BRIP1: variants seen among roughly 807,000 people sequenced by gnomAD.
BRIP1 encodes BRCA1 interacting DNA helicase 1, also known as Fanconi anemia group J protein.
In BRIP1, 88 loss-of-function variants were observed where a neutral mutation model predicts 119.7. That is an observed-to-expected ratio of 0.74 (90% CI 0.62 to 0.88). The LOEUF is 0.88. Among genes scored for constraint, BRIP1 ranks in the 40% least tolerant of loss-of-function variants. BRIP1 has a pLI of 0.00. For missense variants in BRIP1, 1,259 were observed against 1,455.4 expected, an observed-to-expected ratio of 0.87 and a Z score of 2.20; for synonymous variants, 443 against 496.5, an observed-to-expected ratio of 0.89 and a Z score of 1.43.
rs966480103 is a variant in BRIP1, at chr17:61,722,110, C to G, written c.2380-6047G>C. Among the ~76,000 whole-genome samples, 1 of 150,490 alleles carries G rather than the reference C, an allele frequency of 6.6e-6. No individual in the cohort carries two copies. The highest frequency in any genetic ancestry group is 2.5e-5 in the African/African-American group (1 of 40,734). The stretch of plus-strand genomic sequence containing the variant: ...AGGCTGGAGTACGGTGGCATGATCT[C>G]GGCTCACTGCAACTTCTGCCTCTTG... On this transcript the variant is annotated intron_variant, in intron 16 of 19. Coordinates refer to ENST00000259008, the MANE Select transcript of BRIP1 (RefSeq NM_032043.3). The surrounding 1 kb of genome is among the most constrained non-coding windows in gnomAD (Gnocchi z 4.6).
Position 61,849,263 on chromosome 17 carries a change from T to C in BRIP1, c.380-7A>G, listed in dbSNP as rs748143260. The C allele has an allele frequency of 6.2e-7, 1 of 1,606,810 alleles. No individual in the cohort carries two copies. The stretch of plus-strand genomic sequence containing the variant: ...GTGGTTTTTTCAGGGGAGTCTTATA[T>C]AAGTAATTTAAAAAAAACAGCATAA... On this transcript the variant is annotated splice_region_variant and splice_polypyrimidine_tract_variant and intron_variant, in intron 4 of 19. Coordinates refer to ENST00000259008, the MANE Select transcript of BRIP1 (RefSeq NM_032043.3).
At chr17:61,732,769 G>A (rs749553419) in intron 16 of BRIP1, among the ~76,000 whole-genome samples, 23 of 151,650 alleles carry the variant, frequency 1.5e-4, no homozygotes, top group Non-Finnish European at 2.8e-4. Context: ...TCAGCTCACT[G>A]CAACCTTTGC....
At position 61,689,786 on chromosome 17, in the gene BRIP1, G is replaced by GA. The variant is rs1266303828; in HGVS notation, c.2576-3622dup. On this transcript the variant is annotated intron_variant, in intron 18 of 19. Coordinates refer to ENST00000259008, the MANE Select transcript of BRIP1 (RefSeq NM_032043.3). This position sits in a 1 kb window ranked among gnomAD's most constrained non-coding sequence, Gnocchi z 4.5. ...AACACTTTGGGAGGCAGAGGTAGGAGAATTGCTTGAGCCGAGGAGTTTGAG... is the reference window on the plus strand; with the variant it reads ...AACACTTTGGGAGGCAGAGGTAGGAGAAATTGCTTGAGCCGAGGAGTTTGAG... Among the ~76,000 whole-genome samples the GA allele has an allele frequency of 6.6e-6, 1 of 152,196 alleles. No homozygotes were observed. The highest frequency in any genetic ancestry group is 1.5e-5 in the Non-Finnish European group (1 of 68,028).
chr17:61,854,213 G>T (rs2078862117), intron 4 of BRIP1, among the ~76,000 whole-genome samples: 1 of 152,078 alleles, frequency 6.6e-6, no homozygotes, highest in Non-Finnish European at 1.5e-5. Context: ...GGGTTGCAAT[G>T]AGCCAAGTGA....
At chr17:61,863,041 T>C (rs1178399775) in intron 1 of BRIP1, among the ~76,000 whole-genome samples, 1 of 152,048 alleles carries the variant, frequency 6.6e-6, no homozygotes, top group Non-Finnish European at 1.5e-5. Context: ...CCCCAAACAT[T>C]GCATAAAGGA....
rs1365120245 is a variant in BRIP1 at position 61,755,137 on chromosome 17, G to C, written c.2098-10546C>G. Among the ~76,000 whole-genome samples, 3 of 152,288 alleles carry C rather than the reference G, an allele frequency of 2.0e-5. No homozygotes were observed. On this transcript the variant is annotated intron_variant, in intron 14 of 19. Coordinates refer to ENST00000259008, the MANE Select transcript of BRIP1 (RefSeq NM_032043.3). This position sits in a 1 kb window ranked among gnomAD's most constrained non-coding sequence, Gnocchi z 4.5. Reference sequence around the variant, plus strand: ...AACAGTACCTTACATATAGAAAGTGGTCAGTAAATACTTTTTGAATGAATT... The same window carrying C: ...AACAGTACCTTACATATAGAAAGTGCTCAGTAAATACTTTTTGAATGAATT...
chr17:61,839,107 T>C (rs2046493720), intron 6 of BRIP1, among the ~76,000 whole-genome samples: 2 of 152,054 alleles, frequency 1.3e-5, no homozygotes, highest in Admixed American at 6.5e-5. Context: ...AAAATCCCAT[T>C]TTTTAAATAA....
chr17:61,847,010 T>C (rs1272189266), intron 6 of BRIP1, 91 bp downstream of exon 6: 8 of 1,514,054 alleles, frequency 5.3e-6, no homozygotes, highest in Non-Finnish European at 7.3e-6. Flanking sequence ...CTGTCCTTTG[T>C]ATTATACTAT....
In BRIP1 at chr17:61,753,151, ACT is replaced by A. The variant is rs1555594454; in HGVS notation, c.2098-8562_2098-8561del. ...ATACTCAGCCTCCTTGCCCTGTGAT[ACT>A]CTGAGCCACCCTGGGACTCAGCAGA... On this transcript the variant is annotated intron_variant, in intron 14 of 19. Coordinates refer to ENST00000259008, the MANE Select transcript of BRIP1 (RefSeq NM_032043.3). This position sits in a 1 kb window ranked among gnomAD's most constrained non-coding sequence, Gnocchi z 4.6. Among the ~76,000 whole-genome samples the A allele has an allele frequency of 6.6e-6, 1 of 152,110 alleles. No homozygotes were observed. Among genetic ancestry groups the A allele is most frequent in the Non-Finnish European group, 1.5e-5 (1 of 68,012 alleles).
In BRIP1 at chr17:61,693,848, T is replaced by A. The variant is rs570280451; in HGVS notation, c.2493-336A>T. On this transcript the variant is annotated intron_variant, in intron 17 of 19. Transcript: ENST00000259008. The surrounding 1 kb of genome is among the most constrained non-coding windows in gnomAD (Gnocchi z 4.2). Reference sequence around the variant, plus strand: ...TAAGTATTATAAATAATTGTAAAGGTCCTTTTTACTAGTTTGATGAGAGTT... The same window carrying A: ...TAAGTATTATAAATAATTGTAAAGGACCTTTTTACTAGTTTGATGAGAGTT... 6.6e-6 allele frequency among the ~76,000 whole-genome samples: 1 copy of A among 152,206 alleles called. No individual in the cohort carries two copies. The highest frequency in any genetic ancestry group is 2.1e-4 in the South Asian group (1 of 4,826).
At chr17:61,787,802 G>A (rs2077755668) in intron 10 of BRIP1, among the ~76,000 whole-genome samples, 1 of 151,890 alleles carries the variant, frequency 6.6e-6, no homozygotes, top group Non-Finnish European at 1.5e-5. Flanking sequence ...CCGCCACCAC[G>A]CCCGGCTAAT....
At position 61,825,464 on chromosome 17, in the gene BRIP1, T is replaced by C. The variant is rs1439928837; in HGVS notation, c.628-16707A>G. The stretch of plus-strand genomic sequence containing the variant: ...TCTTTGCAGATGACATGATCCTATA[T>C]CTAGAAAACTCCACAGTCTCAGCCC... On this transcript the variant is annotated intron_variant, in intron 6 of 19. Coordinates refer to ENST00000259008, the MANE Select transcript of BRIP1 (RefSeq NM_032043.3). This position sits in a 1 kb window ranked among gnomAD's most constrained non-coding sequence, Gnocchi z 4.1. Among the ~76,000 whole-genome samples, 1 of 151,776 alleles carries C rather than the reference T, an allele frequency of 6.6e-6. No individual in the cohort carries two copies. Among genetic ancestry groups the C allele is most frequent in the Non-Finnish European group, 1.5e-5 (1 of 67,952 alleles).
intron 6 of BRIP1, among the ~76,000 whole-genome samples, chr17:61,837,150 G>A (rs889223944): frequency 2.6e-5 from 4 of 152,338 alleles, no homozygotes; most frequent in Admixed American, 2.6e-4. Context: ...CAACTCACAT[G>A]AACCTGTATT....
chr17:61,754,000 A>G lies in BRIP1; in HGVS notation c.2098-9409T>C, dbSNP rs1354313773. Reference sequence around the variant, plus strand: ...ATCTAGACTCTAAACATTTCTCACTATCTTTACTGCTACCACAGTGGTCCA... The same window carrying G: ...ATCTAGACTCTAAACATTTCTCACTGTCTTTACTGCTACCACAGTGGTCCA... On this transcript the variant is annotated intron_variant, in intron 14 of 19. Coordinates refer to ENST00000259008, the MANE Select transcript of BRIP1 (RefSeq NM_032043.3). This position sits in a 1 kb window ranked among gnomAD's most constrained non-coding sequence, Gnocchi z 4.6. Among the ~76,000 whole-genome samples, 5 of 152,084 alleles carry G rather than the reference A, an allele frequency of 3.3e-5. No individual in the cohort carries two copies. The highest frequency in any genetic ancestry group is 5.9e-5 in the Non-Finnish European group (4 of 68,028).
rs1401137273 is a variant in BRIP1, at chr17:61,822,867, G to A, written c.628-14110C>T. Among the ~76,000 whole-genome samples, 129 of 152,152 alleles carry A rather than the reference G, an allele frequency of 8.5e-4. 2 individuals carry two copies. The highest frequency in any genetic ancestry group is 1.5e-5 in the Non-Finnish European group (1 of 68,032). On this transcript the variant is annotated intron_variant, in intron 6 of 19. Transcript: ENST00000259008. The surrounding 1 kb of genome is among the most constrained non-coding windows in gnomAD (Gnocchi z 4.4). ...TGACAACGAAGTCCCATGTGTAGTGGTGCTGTTGAATTAATGGCTAAATTA... is the reference window on the plus strand; with the variant it reads ...TGACAACGAAGTCCCATGTGTAGTGATGCTGTTGAATTAATGGCTAAATTA...
In BRIP1 at chr17:61,699,613, T is replaced by C. The variant is rs1432628370; in HGVS notation, c.2493-6101A>G. 6.6e-6 allele frequency among the ~76,000 whole-genome samples: 1 copy of C among 152,162 alleles called. No individual in the cohort carries two copies. Among genetic ancestry groups the C allele is most frequent in the African/African-American group, 2.4e-5 (1 of 41,434 alleles). ...ATATAAATTATATCTTTAAACATTG[T>C]ATGCTGGTGCAGAAGAATTAACATT... On this transcript the variant is annotated intron_variant, in intron 17 of 19. Transcript: ENST00000259008. This position sits in a 1 kb window ranked among gnomAD's most constrained non-coding sequence, Gnocchi z 4.8.
Position 61,852,336 on chromosome 17 carries a change from G to A in BRIP1, c.380-3080C>T, listed in dbSNP as rs571739708. ...AAGAAAGAAGATATCTCCCGATTAT[G>A]TTTTTTTAAAATCTTCAAGAAACCT... On this transcript the variant is annotated intron_variant, in intron 4 of 19. Coordinates refer to ENST00000259008, the MANE Select transcript of BRIP1 (RefSeq NM_032043.3). This position sits in a 1 kb window ranked among gnomAD's most constrained non-coding sequence, Gnocchi z 4.9. 4.8e-4 allele frequency among the ~76,000 whole-genome samples: 73 copies of A among 152,172 alleles called. No individual in the cohort carries two copies. Among genetic ancestry groups the A allele is most frequent in the African/African-American group, 1.4e-3 (60 of 41,542 alleles).
chr17:61,799,387 T>A lies in BRIP1; in HGVS notation c.1141-88A>T. The stretch of plus-strand genomic sequence containing the variant: ...AGATATTTCATTTTAAAATTCACAC[T>A]ATAGGCCAATATTGCAAATGCAATT... On this transcript the variant is annotated intron_variant, in intron 8 of 19. Coordinates refer to ENST00000259008, the MANE Select transcript of BRIP1 (RefSeq NM_032043.3). This position sits in a 1 kb window ranked among gnomAD's most constrained non-coding sequence, Gnocchi z 5.1. 1 of 990,668 alleles carries A rather than the reference T, an allele frequency of 1.0e-6. No homozygotes were observed. The highest frequency in any genetic ancestry group is 1.5e-6 in the Non-Finnish European group (1 of 661,314). 61.4% of individuals were successfully genotyped at this position (990,668 alleles called of 1,614,324 possible). A position where few individuals can be genotyped will look rare whatever the true frequency, so the allele number is the denominator to read the frequency against.
chr17:61,849,671 ATC>A (rs1215724671), intron 4 of BRIP1, among the ~76,000 whole-genome samples: 2 of 152,206 alleles, frequency 1.3e-5, no homozygotes, highest in African/African-American at 4.8e-5. Context: ...AGCTCATATA[ATC>A]TGTCTTTTAA....
Sources: gnomAD v4.1 joint callset for allele counts (sites outside exome capture counted in the v4.1 genomes callset) on GRCh38, gnomAD v4.1.1 for gene constraint, Gnocchi (gnomAD v3.1) non-coding constraint, MANE v1.5 for transcripts, NCBI Gene and HGNC (gene_info 2026-07-23, HGNC 2026-07-21) for gene names.